CNOT1: variants seen among roughly 807,000 people sequenced by gnomAD.
CNOT1 encodes the protein CCR4-NOT transcription complex subunit 1, also known as CCR4-associated factor 1.
CNOT1 carries 15 observed loss-of-function variants against 273.8 expected under a neutral mutation model. The ratio of observed to expected loss-of-function variants is 0.05; its 90% CI spans 0.04 to 0.08. The LOEUF (loss-of-function observed/expected upper bound fraction) is 0.08, where lower values mean the gene tolerates loss of function less well. Ranked by LOEUF, CNOT1 falls within the 10% of genes least tolerant of loss-of-function variation. CNOT1 has a pLI of 1.00. For missense variants in CNOT1, 1,644 were observed against 2,912.2 expected (o/e 0.56, Z 10.02); for synonymous variants, 1,022 against 1,005.5 (o/e 1.02, Z -0.31).
chr16:58,541,709 T>C (rs2040100095), intron 33 of CNOT1, 89 bp from the exon 34 acceptor site: 1 of 1,293,340 alleles, frequency 7.7e-7, no homozygotes, highest in African/African-American at 1.5e-5. Flanking sequence ...GTGGGTAAGC[T>C]CAGGGACACA....
At chr16:58,551,530 C>A in intron 23 of CNOT1, 59 bp downstream of exon 23, 2 of 1,528,006 alleles carry the variant, frequency 1.3e-6, no homozygotes, top group South Asian at 1.1e-5. Flanking sequence ...ACATGTTCAC[C>A]ACTGATTATT....
At chr16:58,588,017 C>G in intron 3 of CNOT1, 139 bp from the exon 4 acceptor site, 1 of 888,774 alleles carries the variant, frequency 1.1e-6, no homozygotes, top group African/African-American at 1.7e-5. Context: ...TTAAAAATCT[C>G]GCCAGGTGCG....
chr16:58,539,982 C>A (rs1256702970), intron 34 of CNOT1, 23 bp from the exon 35 acceptor site: 1 of 1,583,478 alleles, frequency 6.3e-7, no homozygotes, highest in South Asian at 1.1e-5. Context: ...AGGAAACAAC[C>A]AACAAGAGAC....
chr16:58,568,124 G>T (rs775782845), intron 16 of CNOT1, among the ~76,000 whole-genome samples: 1 of 152,182 alleles, frequency 6.6e-6, no homozygotes, highest in Non-Finnish European at 1.5e-5. Flanking sequence ...TGTAATCTCA[G>T]TACTTTGGGA....
intron 1 of CNOT1, among the ~76,000 whole-genome samples, chr16:58,618,410 G>T (rs13337270): frequency 0.39 from 59,131 of 151,900 alleles, 12,904 homozygotes; most frequent in African/African-American, 0.59. Flanking sequence ...GGTAAACCCC[G>T]TGTCTACTAA....
chr16:58,571,563 T>A (rs2041276124), intron 16 of CNOT1, among the ~76,000 whole-genome samples: 1 of 151,438 alleles, frequency 6.6e-6, no homozygotes, highest in Non-Finnish European at 1.5e-5. Context: ...CAAGACTCCA[T>A]CTCAAAAACA....
chr16:58,549,985 T>C, intron 24 of CNOT1, 87 bp from the exon 25 acceptor site: 2 of 1,557,160 alleles, frequency 1.3e-6, no homozygotes, highest in Non-Finnish European at 1.7e-6. Context: ...ATACAGCACA[T>C]GGCTCCTTGC....
At position 58,546,755 on chromosome 16, in the gene CNOT1, G is replaced by A; in HGVS notation, c.3751-6C>T. On this transcript the variant is annotated splice_region_variant and splice_polypyrimidine_tract_variant and intron_variant, in intron 27 of 48. Transcript: ENST00000317147. ...GGGTTTGGTGGCCTAAAAACCTAAA[G>A]AAAAGCTATTATGTTAAGCTGGCCC... 1 of 1,613,642 alleles carries A rather than the reference G, an allele frequency of 6.2e-7. No individual in the cohort carries two copies. Among genetic ancestry groups the A allele is most frequent in the Non-Finnish European group, 8.5e-7 (1 of 1,179,816 alleles).
At chr16:58,557,473 A>C (rs2040669388) in intron 18 of CNOT1, among the ~76,000 whole-genome samples, 1 of 152,180 alleles carries the variant, frequency 6.6e-6, no homozygotes, top group African/African-American at 2.4e-5. Context: ...CGTTTATTTA[A>C]ATGAATTAAT....
At chr16:58,522,695 A>G (rs2039445532) in intron 47 of CNOT1, among the ~76,000 whole-genome samples, 1 of 152,226 alleles carries the variant, frequency 6.6e-6, no homozygotes, top group Non-Finnish European at 1.5e-5. Context: ...GTAATGAGGA[A>G]AAGTCCAAGT....
At chr16:58,589,017 T>C (rs2041965204) in intron 2 of CNOT1, 111 bp from the exon 3 acceptor site, 3 of 1,287,680 alleles carry the variant, frequency 2.3e-6, no homozygotes, top group Non-Finnish European at 3.2e-6. Context: ...TTTACATTAG[T>C]TACTCATTTT....
chr16:58,539,087 T>A (rs1040738837), intron 35 of CNOT1, among the ~76,000 whole-genome samples, 173 bp from the exon 36 acceptor site: 2 of 151,676 alleles, frequency 1.3e-5, no homozygotes, highest in African/African-American at 4.9e-5. Flanking sequence ...CTAAATTCTA[T>A]CTGATTTAAG....
chr16:58,584,794 A>C (rs1256841331), intron 8 of CNOT1, among the ~76,000 whole-genome samples: 1 of 152,242 alleles, frequency 6.6e-6, no homozygotes, highest in African/African-American at 2.4e-5. Context: ...AAAGCAAAGC[A>C]CATTAATCCC....
chr16:58,576,409 C>G lies in CNOT1; in HGVS notation c.1704+54G>C, dbSNP rs978920344. 14 of 1,609,570 alleles carry G rather than the reference C, an allele frequency of 8.7e-6. No individual in the cohort carries two copies. In the African/African-American group the frequency reaches 1.6e-4, roughly 18 times the overall value. On this transcript the variant is annotated intron_variant, in intron 14 of 48. Coordinates refer to ENST00000317147, the MANE Select transcript of CNOT1 (RefSeq NM_016284.5). The stretch of plus-strand genomic sequence containing the variant: ...TACAGGCATGAGCCACCGCGCCCGG[C>G]CTTTTTTTCTCATTAGTAAATAAAC...
At chr16:58,557,585 A>T (rs1383487603) in intron 18 of CNOT1, among the ~76,000 whole-genome samples, 1 of 152,234 alleles carries the variant, frequency 6.6e-6, no homozygotes, top group Non-Finnish European at 1.5e-5. Context: ...TCAACATAAA[A>T]GGTACAAGGG....
Position 58,557,394 on chromosome 16 carries a change from C to G in CNOT1, c.2333-401G>C, listed in dbSNP as rs7188644. Among the ~76,000 whole-genome samples, 394 of 152,270 alleles carry G rather than the reference C, an allele frequency of 2.6e-3. 3 individuals carry two copies. Among genetic ancestry groups the G allele is most frequent in the African/African-American group, 8.8e-3 (366 of 41,538 alleles). Reference sequence around the variant, plus strand: ...TGAGTCTCAAAACTTCTTTATTCCTCTCAACTCCGACAAAAGGAATCTTAC... The same window carrying G: ...TGAGTCTCAAAACTTCTTTATTCCTGTCAACTCCGACAAAAGGAATCTTAC... On this transcript the variant is annotated intron_variant, in intron 18 of 48. Coordinates refer to ENST00000317147, the MANE Select transcript of CNOT1 (RefSeq NM_016284.5).
At chr16:58,621,566 C>T (rs908945410) in intron 1 of CNOT1, among the ~76,000 whole-genome samples, 4 of 151,334 alleles carry the variant, frequency 2.6e-5, no homozygotes, top group African/African-American at 9.7e-5. Context: ...AGCCACCACG[C>T]CTGGCAACTA....
intron 1 of CNOT1, among the ~76,000 whole-genome samples, chr16:58,610,494 G>A (rs1042410397): frequency 2.0e-5 from 3 of 151,862 alleles, no homozygotes; most frequent in Admixed American, 6.6e-5. Flanking sequence ...ACTTGAGGTC[G>A]GGAGATCGAA....
intron 14 of CNOT1, among the ~76,000 whole-genome samples, chr16:58,575,652 A>T (rs1360335043): frequency 6.6e-6 from 1 of 152,174 alleles, no homozygotes; most frequent in African/African-American, 2.4e-5. Flanking sequence ...TAAAAAAATT[A>T]GCCAGGTACG....
Sources: gnomAD v4.1 joint callset for allele counts (sites outside exome capture counted in the v4.1 genomes callset) on GRCh38, gnomAD v4.1.1 for gene constraint, MANE v1.5 for transcripts, NCBI Gene and HGNC (gene_info 2026-07-23, HGNC 2026-07-21) for gene names.